Variants in CCDC73 observed in about 807,000 individuals in gnomAD.
CCDC73 encodes coiled-coil domain-containing protein 73.
CCDC73 carries 95 observed loss-of-function variants against 116.5 expected under a neutral mutation model. The ratio of observed to expected loss-of-function variants is 0.82; its 90% confidence interval spans 0.69 to 0.97. The LOEUF (loss-of-function observed/expected upper bound fraction) is 0.97, where lower values mean the gene tolerates loss of function less well. Among genes scored for constraint, CCDC73 ranks in the 50% least tolerant of loss-of-function variants. The pLI, the probability that CCDC73 is intolerant of heterozygous loss-of-function variation, is 0.00. For synonymous variants in CCDC73, 398 were observed against 401.3 expected, an observed-to-expected ratio of 0.99 and a Z score of 0.10; for missense variants, 1,066 against 1,206.8, an observed-to-expected ratio of 0.88 and a Z score of 1.73.
At chr11:32,654,094 C>CAATTCAGTA (rs1235010763) in intron 10 of CCDC73, 57 bp from the exon 11 acceptor site, 8 of 1,456,866 alleles carry the variant, frequency 5.5e-6, no homozygotes, top group Non-Finnish European at 7.4e-6. Flanking sequence ...ATTCTACATT[C>CAATTCAGTA]AATTCAGTAC....
At chr11:32,651,940 C>T (rs1482554567) in intron 12 of CCDC73, among the ~76,000 whole-genome samples, 1 of 152,196 alleles carries the variant, frequency 6.6e-6, no homozygotes, top group African/African-American at 2.4e-5. Flanking sequence ...CATCACTTGG[C>T]CCAGTGGCTT....
At chr11:32,640,259 C>T (rs969491122) in intron 13 of CCDC73, among the ~76,000 whole-genome samples, 3 of 152,008 alleles carry the variant, frequency 2.0e-5, no homozygotes, top group Non-Finnish European at 2.9e-5. Flanking sequence ...AAGATAAAAC[C>T]GACTTTATCC....
Position 32,790,789 on chromosome 11 carries a change from G to T in CCDC73, c.-16+3824C>A, listed in dbSNP as rs1194877316. The stretch of plus-strand genomic sequence containing the variant: ...ATATTATCTCCGTAAAGATCATTAT[G>T]AAACTATAACATAAAATAAGCTACT... On this transcript the variant is annotated intron_variant, in intron 1 of 17. Transcript: ENST00000335185. 2.6e-5 allele frequency among the ~76,000 whole-genome samples: 4 copies of T among 152,160 alleles called. No homozygotes were observed. The East Asian group carries it at 5.8e-4, about 22-fold the overall frequency.
At chr11:32,799,374 G>A (rs1850752436), upstream of CCDC73, among the ~76,000 whole-genome samples, 1 of 152,044 alleles carries the variant, frequency 6.6e-6, no homozygotes, top group African/African-American at 2.4e-5. Context: ...TTACAGGCAT[G>A]AGCCACCATG....
At chr11:32,651,995 T>C (rs1289119575) in intron 12 of CCDC73, among the ~76,000 whole-genome samples, 2 of 152,224 alleles carry the variant, frequency 1.3e-5, no homozygotes, top group Admixed American at 6.5e-5. Context: ...GGTTCCTTCA[T>C]GTGAAGCCAA....
chr11:32,672,388 G>C (rs1856047948), intron 9 of CCDC73, among the ~76,000 whole-genome samples: 1 of 152,014 alleles, frequency 6.6e-6, no homozygotes, highest in African/African-American at 2.4e-5. Context: ...TGAAACATCT[G>C]TTTTCATTTA....
intron 2 of CCDC73, among the ~76,000 whole-genome samples, chr11:32,735,252 A>G (rs1485618223): frequency 6.6e-6 from 1 of 152,182 alleles, no homozygotes; most frequent in Non-Finnish European, 1.5e-5. Context: ...AGATGACATG[A>G]TTGTATATTT....
chr11:32,708,625 G>A (rs867458074), intron 3 of CCDC73, among the ~76,000 whole-genome samples: 2 of 152,030 alleles, frequency 1.3e-5, no homozygotes, highest in Non-Finnish European at 2.9e-5. Flanking sequence ...CCATCTCCTT[G>A]GTTAGGTATA....
intron 1 of CCDC73, among the ~76,000 whole-genome samples, chr11:32,761,766 C>A (rs1850394444): frequency 6.6e-6 from 1 of 151,852 alleles, no homozygotes; most frequent in East Asian, 1.9e-4. Flanking sequence ...CACAGACCTA[C>A]ACACACACAC....
At chr11:32,625,706 T>A (rs1855565527) in intron 14 of CCDC73, among the ~76,000 whole-genome samples, 1 of 152,114 alleles carries the variant, frequency 6.6e-6, no homozygotes, top group Non-Finnish European at 1.5e-5. Context: ...ATCCAGCATA[T>A]AAACAGAACC....
At chr11:32,711,291 T>A (rs900286285) in intron 3 of CCDC73, among the ~76,000 whole-genome samples, 4 of 152,088 alleles carry the variant, frequency 2.6e-5, no homozygotes, top group African/African-American at 7.2e-5. Context: ...CACTACTAGG[T>A]TTCAACCCAG....
intron 1 of CCDC73, among the ~76,000 whole-genome samples, chr11:32,763,883 G>A (rs1850415496): frequency 6.6e-6 from 1 of 152,134 alleles, no homozygotes; most frequent in Non-Finnish European, 1.5e-5. Flanking sequence ...TAGACAAATG[G>A]CTAACTAGAA....
chr11:32,817,158 G>A, the CCDC73 span, among the ~76,000 whole-genome samples: 2 of 152,226 alleles, frequency 1.3e-5, no homozygotes, highest in Admixed American at 6.5e-5. Flanking sequence ...AGGTTAGCTA[G>A]TGACGAGAAG....
intron 14 of CCDC73, 73 bp downstream of exon 14, chr11:32,635,623 A>T: frequency 2.5e-6 from 3 of 1,188,316 alleles, no homozygotes; most frequent in Non-Finnish European, 3.2e-6. Context: ...AAAGTATAAA[A>T]CAGGGAAAAA....
intron 1 of CCDC73, among the ~76,000 whole-genome samples, chr11:32,763,473 C>A (rs1233527882): frequency 6.6e-6 from 1 of 152,194 alleles, no homozygotes; most frequent in Non-Finnish European, 1.5e-5. Context: ...CTGCTGATAC[C>A]CAGGCAAACA....
chr11:32,754,879 T>A (rs1007130904), intron 2 of CCDC73, among the ~76,000 whole-genome samples: 480 of 15,002 alleles, frequency 0.032, 5 homozygotes, highest in African/African-American at 0.073. Context: ...TGGCTTCAAC[T>A]TTTTTTTTTT....
rs139247824 is a variant in CCDC73, at chr11:32,786,607, TTA to T, written c.-16+8004_-16+8005del. 7.2e-3 allele frequency among the ~76,000 whole-genome samples: 1,087 copies of T among 149,966 alleles called. 17 individuals are homozygous for T. The highest frequency in any genetic ancestry group is 0.025 in the African/African-American group (1,048 of 41,182). On this transcript the variant is annotated intron_variant, in intron 1 of 17. Coordinates refer to ENST00000335185, the MANE Select transcript of CCDC73 (RefSeq NM_001008391.4). Reference sequence around the variant, plus strand: ...TTCAGCATTCATCATATTATTTATTTTATATAAGTATTACAAGCTTTTTTAAA... The same window carrying T: ...TTCAGCATTCATCATATTATTTATTTTATAAGTATTACAAGCTTTTTTAAA...
intron 14 of CCDC73, among the ~76,000 whole-genome samples, chr11:32,622,213 C>T (rs755284154): frequency 6.6e-6 from 1 of 152,150 alleles, no homozygotes; most frequent in East Asian, 1.9e-4. Context: ...TGCACACATA[C>T]GTTTATTGCA....
In CCDC73 at chr11:32,718,120, T is replaced by C. The variant is rs1317572774; in HGVS notation, c.163A>G (p.Ile55Val). The change falls in exon 3 of 18, where the codon ATT becomes GTT. Residue 55 changes from isoleucine (I) to valine (V), a missense_variant. By Grantham distance (29) the Ile-to-Val change is conservative. Coordinates refer to ENST00000335185, the MANE Select transcript of CCDC73 (RefSeq NM_001008391.4). ...REAEIHYEEQIGKIIVETQEL... is the reference protein window; with the variant it reads ...REAEIHYEEQVGKIIVETQEL... ...TGTGTCTCCACAATAATTTTACCAATCTGCTCTTCATAATGAATTTCTGCT... is the reference window on the plus strand; with the variant it reads ...TGTGTCTCCACAATAATTTTACCAACCTGCTCTTCATAATGAATTTCTGCT... 3 of 1,607,520 alleles carry C rather than the reference T, an allele frequency of 1.9e-6. No individual in the cohort carries two copies. The highest frequency in any genetic ancestry group is 2.2e-5 in the South Asian group (2 of 90,074).
Sources: allele counts gnomAD v4.1 joint callset (sites outside exome capture counted in the v4.1 genomes callset), GRCh38; gene constraint gnomAD v4.1.1; transcripts MANE v1.5; gene names NCBI Gene and HGNC (gene_info 2026-07-23, HGNC 2026-07-21).